MAGI2: variants seen among roughly 807,000 people sequenced by gnomAD.
The protein encoded by MAGI2 is membrane-associated guanylate kinase, WW and PDZ domain-containing protein 2.
A neutral mutation model predicts 133.3 loss-of-function variants in MAGI2; 35 were observed. The observed-to-expected ratio is 0.26, with a 90% CI of 0.20 to 0.35. MAGI2 has a LOEUF of 0.35. Among genes scored for constraint, MAGI2 ranks in the 10% least tolerant of loss-of-function variants. MAGI2 has a pLI of 1.00. For missense variants in MAGI2, 1,636 were observed against 1,863.4 expected, an observed-to-expected ratio of 0.88 and a Z score of 2.25; for synonymous variants, 729 against 710.6, an observed-to-expected ratio of 1.03 and a Z score of -0.41.
At chr7:78,437,719 T>C (rs962450389) in intron 6 of MAGI2, among the ~76,000 whole-genome samples, 2 of 152,200 alleles carry the variant, frequency 1.3e-5, no homozygotes, top group Non-Finnish European at 2.9e-5. Context: ...ACATGACCAC[T>C]GAGTGTTCTC....
At chr7:79,124,233 G>A (rs757162684) in intron 1 of MAGI2, among the ~76,000 whole-genome samples, 3 of 152,108 alleles carry the variant, frequency 2.0e-5, no homozygotes, top group Non-Finnish European at 4.4e-5. Flanking sequence ...AAACACCATT[G>A]TTTAGTGTTT....
chr7:79,370,775 C>T lies in MAGI2; in HGVS notation c.301+82245G>A, dbSNP rs145107542. On this transcript the variant is annotated intron_variant, in intron 1 of 21. Coordinates refer to ENST00000354212, the MANE Select transcript of MAGI2 (RefSeq NM_012301.4). The stretch of plus-strand genomic sequence containing the variant: ...CCTTAACAGAATAACCCAATCTTCA[C>T]GCTATTGCCTCAAATTAGAAAGCAT... Among the ~76,000 whole-genome samples the T allele has an allele frequency of 3.3e-5, 5 of 151,906 alleles. No homozygotes were observed. The East Asian group carries it at 7.7e-4, about 23-fold the overall frequency.
chr7:79,109,689 T>A (rs1818747893), intron 1 of MAGI2, among the ~76,000 whole-genome samples: 1 of 152,156 alleles, frequency 6.6e-6, no homozygotes, highest in Non-Finnish European at 1.5e-5. Context: ...TGTGGAGCAA[T>A]CACTTGTTAG....
chr7:78,635,651 A>G (rs1181521980), intron 2 of MAGI2, among the ~76,000 whole-genome samples: 1 of 152,202 alleles, frequency 6.6e-6, no homozygotes, highest in Non-Finnish European at 1.5e-5. Flanking sequence ...GTGTTTCTCA[A>G]CTGCAAGCTG....
intron 6 of MAGI2, among the ~76,000 whole-genome samples, chr7:78,382,852 C>G (rs922982961): frequency 6.6e-6 from 1 of 152,020 alleles, no homozygotes; most frequent in African/African-American, 2.4e-5. Context: ...TAACTGAGGA[C>G]ATATGATATT....
chr7:78,765,364 T>TTTTC (rs1380459206), intron 2 of MAGI2, among the ~76,000 whole-genome samples: 1 of 148,622 alleles, frequency 6.7e-6, no homozygotes, highest in African/African-American at 2.5e-5. Context: ...TTTTTTTTTT[T>TTTTC]TGAGACAGAG....
intron 20 of MAGI2, among the ~76,000 whole-genome samples, chr7:78,108,723 T>TGTGTATACACACACATATGTGA (rs960933477): frequency 8.1e-5 from 10 of 123,946 alleles, no homozygotes; most frequent in South Asian, 2.7e-4. Flanking sequence ...TATATATGTG[T>TGTGTATACACACACATATGTGA]GTGTATACAC....
At chr7:79,314,147 T>C (rs1450376524) in intron 1 of MAGI2, among the ~76,000 whole-genome samples, 1 of 152,210 alleles carries the variant, frequency 6.6e-6, no homozygotes, top group Non-Finnish European at 1.5e-5. Context: ...CTAATTTTTA[T>C]ATTTTTAGTA....
chr7:78,235,638 C>T (rs748093340), intron 10 of MAGI2, among the ~76,000 whole-genome samples: 52 of 152,162 alleles, frequency 3.4e-4, no homozygotes, highest in Admixed American at 2.1e-3. Flanking sequence ...TTGTAAGTTT[C>T]CTGAGGCATC....
chr7:78,909,624 A>T (rs1798258042), intron 2 of MAGI2, among the ~76,000 whole-genome samples: 2 of 150,834 alleles, frequency 1.3e-5, no homozygotes, highest in Non-Finnish European at 3.0e-5. Context: ...AAAAAAAAAA[A>T]AAGTCAAGAA....
At chr7:78,196,664 C>G (rs1365437520) in intron 11 of MAGI2, among the ~76,000 whole-genome samples, 1 of 152,134 alleles carries the variant, frequency 6.6e-6, no homozygotes, top group Non-Finnish European at 1.5e-5. Flanking sequence ...ACCAGAGACA[C>G]CAGGGGCCTG....
At chr7:78,472,613 T>C (rs2150428829) in intron 6 of MAGI2, among the ~76,000 whole-genome samples, 1 of 152,262 alleles carries the variant, frequency 6.6e-6, no homozygotes, top group South Asian at 2.1e-4. Context: ...GCAGGTAACA[T>C]GTGCTCTGAA....
At chr7:78,239,187 T>G (rs1215992679) in intron 10 of MAGI2, among the ~76,000 whole-genome samples, 2 of 152,178 alleles carry the variant, frequency 1.3e-5, no homozygotes, top group African/African-American at 4.8e-5. Flanking sequence ...GTAAATGGTG[T>G]TGGTAAAACT....
chr7:78,814,885 G>C (rs1275903935), intron 2 of MAGI2, among the ~76,000 whole-genome samples: 1 of 152,008 alleles, frequency 6.6e-6, no homozygotes, highest in Non-Finnish European at 1.5e-5. Flanking sequence ...ATCACACCAG[G>C]CTCTTTTTGT....
intron 21 of MAGI2, among the ~76,000 whole-genome samples, chr7:78,077,746 T>TTTTTTTTA (rs1473877873): frequency 1.3e-5 from 2 of 149,082 alleles, no homozygotes; most frequent in African/African-American, 5.0e-5. Context: ...TTTTTTTTTT[T>TTTTTTTTA]GAGACAGAGT....
At chr7:78,527,190 G>A (rs1039401401) in intron 3 of MAGI2, among the ~76,000 whole-genome samples, 1 of 152,046 alleles carries the variant, frequency 6.6e-6, no homozygotes, top group East Asian at 1.9e-4. Flanking sequence ...CTAATTATGA[G>A]CTAAACCTGC....
intron 2 of MAGI2, among the ~76,000 whole-genome samples, chr7:78,713,154 T>C (rs978398778): frequency 2.6e-5 from 4 of 152,200 alleles, no homozygotes; most frequent in Admixed American, 2.6e-4. Context: ...ATGTGTTCAG[T>C]GATGACTATG....
At chr7:78,890,519 C>A (rs538486151) in intron 2 of MAGI2, among the ~76,000 whole-genome samples, 1 of 152,272 alleles carries the variant, frequency 6.6e-6, no homozygotes, top group East Asian at 1.9e-4. Context: ...GAAATTATAA[C>A]AAACTGTCTC....
chr7:78,447,853 C>T (rs1373717626), intron 6 of MAGI2, among the ~76,000 whole-genome samples: 2 of 152,096 alleles, frequency 1.3e-5, no homozygotes, highest in Admixed American at 6.6e-5. Flanking sequence ...ACCCACTGTG[C>T]AGTAGACAAA....
Sources: gnomAD v4.1 joint callset for allele counts (sites outside exome capture counted in the v4.1 genomes callset) on GRCh38, gnomAD v4.1.1 for gene constraint, MANE v1.5 for transcripts, NCBI Gene and HGNC (gene_info 2026-07-23, HGNC 2026-07-21) for gene names.